The following TENM2 variants were observed in gnomAD, a reference collection of about 807,000 sequenced individuals.
TENM2 encodes the protein teneurin transmembrane protein 2.
Under a neutral mutation model 245.2 loss-of-function variants are expected in TENM2, and 52 were observed. The observed-to-expected ratio is 0.21, with a 90% CI of 0.17 to 0.27. TENM2 has a LOEUF of 0.27. Ranked by LOEUF, TENM2 falls within the 10% of genes least tolerant of loss-of-function variation. TENM2 has a pLI of 1.00. For synonymous variants in TENM2, 1,363 were observed against 1,438.9 expected (o/e 0.95, Z 1.19); for missense variants, 3,046 against 3,666.8 (o/e 0.83, Z 4.37).
the TENM2 span, among the ~76,000 whole-genome samples, chr5:167,027,084 A>G: frequency 6.6e-6 from 1 of 152,208 alleles, no homozygotes; most frequent in Non-Finnish European, 1.5e-5. Flanking sequence ...GAGACTCTTC[A>G]AGGACTTATG....
chr5:167,668,351 T>A (rs1243596954), intron 2 of TENM2, among the ~76,000 whole-genome samples: 1 of 152,220 alleles, frequency 6.6e-6, no homozygotes, highest in Non-Finnish European at 1.5e-5. Context: ...TGATTTATAC[T>A]GCTTATGACT....
chr5:167,843,948 G>A (rs1241080358), intron 2 of TENM2, among the ~76,000 whole-genome samples: 1 of 152,146 alleles, frequency 6.6e-6, no homozygotes, highest in Non-Finnish European at 1.5e-5. Flanking sequence ...AATTAAGGCT[G>A]GATAATGGTA....
chr5:167,583,383 G>C lies in TENM2; in HGVS notation c.502+207910G>C, dbSNP rs189009427. On this transcript the variant is annotated intron_variant, in intron 2 of 28. Transcript: ENST00000518659. ...GATAAATCCTAAACCATGTATTGCA[G>C]CAGAAGTGCCTAAAGGTGAATAGTC... Among the ~76,000 whole-genome samples the C allele has an allele frequency of 2.6e-3, 401 of 151,854 alleles. 1 individual carries two copies. Among genetic ancestry groups the C allele is most frequent in the African/African-American group, 8.6e-3 (354 of 41,386 alleles).
chr5:167,431,189 G>A (rs1474889144), intron 2 of TENM2, among the ~76,000 whole-genome samples: 1 of 152,108 alleles, frequency 6.6e-6, no homozygotes, highest in Non-Finnish European at 1.5e-5. Context: ...AGGTCATTAA[G>A]ACAATTATCA....
chr5:167,258,215 G>GTGTGTATATATATATA, the TENM2 span, among the ~76,000 whole-genome samples: 3 of 122,890 alleles, frequency 2.4e-5, no homozygotes, highest in African/African-American at 9.4e-5. Context: ...ATATATATAT[G>GTGTGTATATATATATA]TATATATATA....
At chr5:167,052,567 C>T in the TENM2 span, among the ~76,000 whole-genome samples, 2 of 152,070 alleles carry the variant, frequency 1.3e-5, no homozygotes, top group African/African-American at 4.8e-5. Context: ...CTTTGGAAAA[C>T]AGTGAATTAC....
chr5:167,310,901 G>C (rs1755992702), intron 1 of TENM2, among the ~76,000 whole-genome samples: 1 of 152,190 alleles, frequency 6.6e-6, no homozygotes, highest in South Asian at 2.1e-4. Flanking sequence ...GGACCTAAAT[G>C]AACCTGCAAC....
chr5:167,073,269 C>T, the TENM2 span, among the ~76,000 whole-genome samples: 9 of 151,996 alleles, frequency 5.9e-5, no homozygotes, highest in East Asian at 1.9e-4. Context: ...ATTGCCTAAG[C>T]GGTCTGGGGC....
At chr5:167,897,892 T>G (rs1775351484) in intron 3 of TENM2, among the ~76,000 whole-genome samples, 1 of 17,300 alleles carries the variant, frequency 5.8e-5, no homozygotes. Context: ...AGTAAATTGT[T>G]TTTTTTTTTT....
At chr5:168,052,025 G>A (rs1326975599) in intron 6 of TENM2, among the ~76,000 whole-genome samples, 3 of 151,806 alleles carry the variant, frequency 2.0e-5, no homozygotes, top group East Asian at 1.9e-4. Flanking sequence ...TTTGGGATGC[G>A]AAAGTGAGAG....
At chr5:167,438,590 G>A (rs1764705959) in intron 2 of TENM2, among the ~76,000 whole-genome samples, 1 of 151,910 alleles carries the variant, frequency 6.6e-6, no homozygotes, top group African/African-American at 2.4e-5. Context: ...GTAGAGACGG[G>A]GTTTCACGCT....
At chr5:168,089,373 A>G (rs933778595) in intron 7 of TENM2, among the ~76,000 whole-genome samples, 3 of 152,142 alleles carry the variant, frequency 2.0e-5, no homozygotes, top group African/African-American at 7.2e-5. Context: ...AATTCCTTAA[A>G]ACATCCCTTT....
the TENM2 span, among the ~76,000 whole-genome samples, chr5:167,217,554 T>C: frequency 2.6e-5 from 4 of 152,012 alleles, no homozygotes; most frequent in Non-Finnish European, 5.9e-5. Flanking sequence ...AGCTGCATAT[T>C]CATAAGCTGC....
chr5:167,724,442 A>G (rs1023581959), intron 2 of TENM2, among the ~76,000 whole-genome samples: 1 of 152,192 alleles, frequency 6.6e-6, no homozygotes, highest in Non-Finnish European at 1.5e-5. Context: ...AGCACTTACT[A>G]TGGTTGAGGC....
intron 4 of TENM2, among the ~76,000 whole-genome samples, chr5:167,979,587 T>C (rs921470376): frequency 1.4e-4 from 21 of 152,076 alleles, no homozygotes; most frequent in Non-Finnish European, 1.0e-4. Context: ...ATACAGAGCA[T>C]CCCTATAGAA....
At chr5:168,223,276 T>C (rs1763829716) in intron 23 of TENM2, among the ~76,000 whole-genome samples, 1 of 152,152 alleles carries the variant, frequency 6.6e-6, no homozygotes. Context: ...GTCCCCAAAC[T>C]ACAGTGGATT....
chr5:167,149,717 T>G, the TENM2 span, among the ~76,000 whole-genome samples: 1 of 152,200 alleles, frequency 6.6e-6, no homozygotes, highest in African/African-American at 2.4e-5. Context: ...CTCAACTCAA[T>G]CAATTCCTCT....
At position 167,318,400 on chromosome 5, in the gene TENM2, T is replaced by C. The variant is rs148049707; in HGVS notation, c.226+33337T>C. On this transcript the variant is annotated intron_variant, in intron 1 of 28. Coordinates refer to ENST00000518659, the Ensembl canonical transcript of TENM2. ...ACTTGGATTCACTTAATGCATGTTA[T>C]GGAATTTAAGAATAGATGAAGTTGT... Among the ~76,000 whole-genome samples, 11 of 152,134 alleles carry C rather than the reference T, an allele frequency of 7.2e-5. No homozygotes were observed. The East Asian group carries it at 2.1e-3, about 29-fold the overall frequency.
chr5:167,872,548 G>GAAAGAAAGAAAGAAAA (rs1313191288), intron 2 of TENM2, among the ~76,000 whole-genome samples: 4 of 65,438 alleles, frequency 6.1e-5, no homozygotes, highest in African/African-American at 1.8e-4. Context: ...AAGAAAGAAA[G>GAAAGAAAGAAAGAAAA]AGAAAGAAAG....
Sources: gnomAD v4.1 joint callset for allele counts (sites outside exome capture counted in the v4.1 genomes callset) on GRCh38, gnomAD v4.1.1 for gene constraint, MANE v1.5 for transcripts, NCBI Gene and HGNC (gene_info 2026-07-23, HGNC 2026-07-21) for gene names.